The following GAB2 variants were observed in gnomAD, a reference collection of about 807,000 sequenced individuals.
GAB2 encodes the protein GRB2 associated binding protein 2.
A neutral mutation model predicts 65.5 loss-of-function variants in GAB2; 26 were observed. That is an observed-to-expected ratio of 0.40 (90% CI 0.29 to 0.55). The LOEUF (loss-of-function observed/expected upper bound fraction) is 0.55, where lower values mean the gene tolerates loss of function less well. Ranked by LOEUF, GAB2 falls within the 20% of genes least tolerant of loss-of-function variation. GAB2 has a pLI of 0.53. For synonymous variants in GAB2, 321 were observed against 329.6 expected (o/e 0.97, Z 0.28); for missense variants, 884 against 875.8 (o/e 1.01, Z -0.12).
intron 2 of GAB2, among the ~76,000 whole-genome samples, chr11:78,275,135 G>T (rs1373331016): frequency 1.3e-5 from 2 of 152,160 alleles, no homozygotes; most frequent in African/African-American, 4.8e-5. Context: ...CAGGTGACTG[G>T]ATTGTTCTCA....
intron 1 of GAB2, among the ~76,000 whole-genome samples, chr11:78,344,013 GTGA>G (rs1271307763): frequency 6.6e-6 from 1 of 152,076 alleles, no homozygotes; most frequent in Non-Finnish European, 1.5e-5. Context: ...AGAAATCAAG[GTGA>G]TGAGTTGAAG....
At chr11:78,320,734 T>C (rs1026612615) in intron 1 of GAB2, among the ~76,000 whole-genome samples, 3 of 149,838 alleles carry the variant, frequency 2.0e-5, no homozygotes, top group Non-Finnish European at 4.5e-5. Flanking sequence ...CCTTTTTTTT[T>C]TTTTTTTTTT....
rs1864200417 is a variant in GAB2, at chr11:78,217,372, A to C, written c.*1900T>G. ...AATACTCCTTGAGTTGATCTAAACT[A>C]ATGCTAGGAGGAGAGGTGCAGCTCT... On this transcript the variant is annotated 3_prime_UTR_variant, in exon 10 of 10. Coordinates refer to ENST00000361507, the MANE Select transcript of GAB2 (RefSeq NM_080491.3). 6.6e-6 allele frequency: 1 copy of C among 152,252 alleles called. No individual in the cohort carries two copies. Among genetic ancestry groups the C allele is most frequent in the Admixed American group, 6.5e-5 (1 of 15,290 alleles). 9.4% of individuals were successfully genotyped at this position (152,252 alleles called of 1,614,324 possible).
At chr11:78,253,171 C>A (rs2134529246) in intron 2 of GAB2, among the ~76,000 whole-genome samples, 1 of 152,052 alleles carries the variant, frequency 6.6e-6, no homozygotes, top group East Asian at 1.9e-4. Flanking sequence ...CCATGACGCC[C>A]AGCTAATTTT....
chr11:78,291,631 G>A (rs1481237685), intron 1 of GAB2, among the ~76,000 whole-genome samples: 4 of 134,970 alleles, frequency 3.0e-5, no homozygotes, highest in Non-Finnish European at 6.1e-5. Context: ...GAGTGCAGTG[G>A]CGCAAACATG....
chr11:78,234,227 C>T (rs1864927359), intron 3 of GAB2, among the ~76,000 whole-genome samples: 1 of 152,144 alleles, frequency 6.6e-6, no homozygotes, highest in Non-Finnish European at 1.5e-5. Flanking sequence ...GGAATGCAAG[C>T]ACATGTGACC....
chr11:78,381,686 G>T lies in GAB2; in HGVS notation c.75+35960C>A, dbSNP rs1856699861. On this transcript the variant is annotated intron_variant, in intron 1 of 9. Transcript: ENST00000361507. ...AAAGGTAAATAGATAAAAAAAAAAA[G>T]GTTCCATGTTTGAGCACATTTGACC... 2.0e-5 allele frequency among the ~76,000 whole-genome samples: 3 copies of T among 147,840 alleles called. No individual in the cohort carries two copies. The South Asian group carries it at 6.5e-4, about 32-fold the overall frequency.
chr11:78,374,275 G>A (rs1202750044), intron 1 of GAB2, among the ~76,000 whole-genome samples: 2 of 152,056 alleles, frequency 1.3e-5, no homozygotes, highest in South Asian at 2.1e-4. Context: ...ATCAACCCTC[G>A]AAGAAAAACA....
chr11:78,260,094 C>T (rs1478572588), intron 2 of GAB2, among the ~76,000 whole-genome samples: 2 of 152,098 alleles, frequency 1.3e-5, no homozygotes, highest in African/African-American at 2.4e-5. Context: ...ATATAAGTTT[C>T]CTAATGTTTA....
At chr11:78,378,505 A>C (rs80344014) in intron 1 of GAB2, among the ~76,000 whole-genome samples, 2,431 of 152,330 alleles carry the variant, frequency 0.016, 59 homozygotes, top group African/African-American at 0.055. Flanking sequence ...GGTGCTTTAC[A>C]GTCAAGATCC....
intron 1 of GAB2, among the ~76,000 whole-genome samples, chr11:78,368,544 CAAAT>C (rs1348755421): frequency 6.6e-6 from 1 of 151,962 alleles, no homozygotes; most frequent in Non-Finnish European, 1.5e-5. Context: ...ACAATACAAA[CAAAT>C]GTTTTAATAA....
In GAB2 at chr11:78,221,734, G is replaced by C; in HGVS notation, c.1704C>G (p.Ser568=). The change falls in exon 8 of 10, where the codon TCC becomes TCG. Residue 568 remains serine (S), a synonymous_variant. Coordinates refer to ENST00000361507, the MANE Select transcript of GAB2 (RefSeq NM_080491.3). ...AGTCTGTGCTGGTGATGCTCTGGGT[G>C]GAGATGGGGCGGCAGTACTGGGAGG... ...SSSSQYCRPI[S]TQSITSTDSG... 6.2e-7 allele frequency: 1 copy of C among 1,613,772 alleles called. No homozygotes were observed. Among genetic ancestry groups the C allele is most frequent in the Non-Finnish European group, 8.5e-7 (1 of 1,179,770 alleles).
At chr11:78,225,255 A>C (rs368430869) in intron 4 of GAB2, 53 bp from the exon 5 acceptor site, 3 of 1,162,780 alleles carry the variant, frequency 2.6e-6, no homozygotes, top group African/African-American at 3.0e-5. Context: ...ATGTGTTGAC[A>C]CTTACCCATA....
At chr11:78,304,250 C>G (rs1410493753) in intron 1 of GAB2, among the ~76,000 whole-genome samples, 1 of 151,972 alleles carries the variant, frequency 6.6e-6, no homozygotes, top group Non-Finnish European at 1.5e-5. Flanking sequence ...TTCAAGTATA[C>G]AATTTAGGGT....
Position 78,219,344 on chromosome 11 carries a change from G to C in GAB2, c.1959C>G (p.Ala653=). ...TCCACTCCTGCATGGTGTTCTGCAGGGCCTGGGTCTTCTCCTTGTCCACCT... is the reference window on the plus strand; with the variant it reads ...TCCACTCCTGCATGGTGTTCTGCAGCGCCTGGGTCTTCTCCTTGTCCACCT... ...YVQVDKEKTQ[A]LQNTMQEWTD... The change falls in exon 10 of 10, where the codon GCC becomes GCG. Residue 653 remains alanine, a synonymous_variant. Transcript: ENST00000361507. The C allele has an allele frequency of 6.2e-7, 1 of 1,613,920 alleles. No homozygotes were observed. Among genetic ancestry groups the C allele is most frequent in the Non-Finnish European group, 8.5e-7 (1 of 1,179,868 alleles).
intron 1 of GAB2, among the ~76,000 whole-genome samples, chr11:78,390,310 C>T (rs368251729): frequency 1.3e-5 from 2 of 152,136 alleles, no homozygotes; most frequent in Admixed American, 6.6e-5. Context: ...TATACAGAGG[C>T]CTTAAACAGT....
At chr11:78,307,289 T>G (rs1855383394) in intron 1 of GAB2, among the ~76,000 whole-genome samples, 2 of 152,078 alleles carry the variant, frequency 1.3e-5, no homozygotes, top group South Asian at 2.1e-4. Context: ...ATCAAAACTC[T>G]CTGGAAAGGG....
intron 3 of GAB2, among the ~76,000 whole-genome samples, chr11:78,232,342 C>T (rs1447387046): frequency 6.6e-6 from 1 of 152,192 alleles, no homozygotes; most frequent in African/African-American, 2.4e-5. Flanking sequence ...ATGTGACTCA[C>T]ATCAATGTAT....
At chr11:78,257,169 G>A (rs911811354) in intron 2 of GAB2, among the ~76,000 whole-genome samples, 2 of 152,140 alleles carry the variant, frequency 1.3e-5, no homozygotes, top group African/African-American at 4.8e-5. Context: ...TTCAGCCGAG[G>A]AGCCCAGCCC....
Sources: gnomAD v4.1 joint callset for allele counts (sites outside exome capture counted in the v4.1 genomes callset) on GRCh38, gnomAD v4.1.1 for gene constraint, MANE v1.5 for transcripts, NCBI Gene and HGNC (gene_info 2026-07-23, HGNC 2026-07-21) for gene names.